The following PLD3 variants were observed in gnomAD, a reference collection of about 807,000 sequenced individuals.
PLD3 encodes phospholipase D family member 3.
In PLD3, 31 loss-of-function variants were observed where a neutral mutation model predicts 58.4. That is an observed-to-expected ratio of 0.53 (90% confidence interval 0.40 to 0.72). The LOEUF (loss-of-function observed/expected upper bound fraction) is 0.72, where lower values mean the gene tolerates loss of function less well. Ranked by LOEUF, PLD3 falls within the 30% of genes least tolerant of loss-of-function variation. The pLI is 0.00. For missense variants in PLD3, 595 were observed against 659.8 expected, an observed-to-expected ratio of 0.90 and a Z score of 1.08; for synonymous variants, 264 against 273.4, an observed-to-expected ratio of 0.97 and a Z score of 0.34.
chr19:40,378,232 G>A lies in PLD3; in HGVS notation c.*59G>A. On this transcript the variant is annotated 3_prime_UTR_variant, in exon 13 of 13. Coordinates refer to ENST00000409735, the MANE Select transcript of PLD3 (RefSeq NM_012268.4). ...GGCCCCCGCGGACCCAGGTGCTCTGGGTCACGGTCCCTGTCCCCGCGCCCC... is the reference window on the plus strand; with the variant it reads ...GGCCCCCGCGGACCCAGGTGCTCTGAGTCACGGTCCCTGTCCCCGCGCCCC... 2.6e-6 allele frequency: 4 copies of A among 1,516,498 alleles called. No homozygotes were observed. Among genetic ancestry groups the A allele is most frequent in the Non-Finnish European group, 3.6e-6 (4 of 1,104,374 alleles). The allele number at this position is 1,516,498 out of a possible 1,614,324, so 93.9% of individuals were successfully genotyped here.
At chr19:40,351,341 C>T (rs1360606973) in intron 1 of PLD3, among the ~76,000 whole-genome samples, 2 of 152,068 alleles carry the variant, frequency 1.3e-5, no homozygotes, top group Admixed American at 6.6e-5. Flanking sequence ...GTCAGGAGTT[C>T]GAGACCAGCC....
At position 40,370,146 on chromosome 19, in the gene PLD3, C is replaced by T. The variant is rs1189077339; in HGVS notation, c.587C>T (p.Thr196Ile). 2.5e-6 allele frequency: 4 copies of T among 1,613,652 alleles called. No homozygotes were observed. In the Admixed American group the frequency reaches 6.7e-5, roughly 27 times the overall value. ...QVRMVDMQKL[T>I]HGVLHTKFWV... is the part of the protein sequence containing the mutation. ...CGCATGGTGGACATGCAGAAGCTGA[C>T]CCATGGCGTCCTGCATACCAAGTTC... Residue 196 changes from threonine to isoleucine, a missense_variant, in exon 8 of 13, where the codon ACC (threonine) becomes ATC (isoleucine). Physicochemically the swap from Thr to Ile is moderately conservative, Grantham distance 89. Coordinates refer to ENST00000409735, the MANE Select transcript of PLD3 (RefSeq NM_012268.4).
chr19:40,365,652 G>A (rs2145683370), intron 1 of PLD3, 66 bp from the exon 2 acceptor site: 1 of 152,338 alleles, frequency 6.6e-6, no homozygotes, highest in African/African-American at 2.4e-5. Flanking sequence ...GCCCTACACG[G>A]GGACTCTAGG....
intron 1 of PLD3, among the ~76,000 whole-genome samples, chr19:40,361,358 A>G (rs2078778392): frequency 6.6e-6 from 1 of 151,924 alleles, no homozygotes; most frequent in Admixed American, 6.6e-5. Context: ...TGATCCGCCC[A>G]CCTTGGCCTC....
At position 40,371,675 on chromosome 19, in the gene PLD3, C is replaced by G. The variant is rs759893170; in HGVS notation, c.681C>G (p.Val227=). 1 of 1,611,588 alleles carries G rather than the reference C, an allele frequency of 6.2e-7. No individual in the cohort carries two copies. The highest frequency in any genetic ancestry group is 1.7e-5 in the Admixed American group (1 of 59,950). ...ANMDWRSLTQ[V]KELGVVMYNC... is the part of the protein sequence containing the mutation. ...AGCTCAGCACTGCCCTCCTACAGGTCAAGGAGCTGGGCGTGGTCATGTACA... is the reference window on the plus strand; with the variant it reads ...AGCTCAGCACTGCCCTCCTACAGGTGAAGGAGCTGGGCGTGGTCATGTACA... The change falls in exon 9 of 13, where the codon GTC becomes GTG. Residue 227 remains valine, a splice_region_variant and synonymous_variant. Transcript: ENST00000409735.
At chr19:40,362,135 CCT>C (rs1173583162) in intron 1 of PLD3, among the ~76,000 whole-genome samples, 9 of 152,204 alleles carry the variant, frequency 5.9e-5, no homozygotes, top group African/African-American at 2.2e-4. Context: ...CCGCGCCTGG[CCT>C]CTGTTTTTCC....
Position 40,361,032 on chromosome 19 carries a change from C to T in PLD3, c.-278-4686C>T, listed in dbSNP as rs186177725. 3.3e-5 allele frequency among the ~76,000 whole-genome samples: 5 copies of T among 152,276 alleles called. No homozygotes were observed. In the East Asian group the frequency reaches 5.8e-4, roughly 18 times the overall value. On this transcript the variant is annotated intron_variant, in intron 1 of 12. Transcript: ENST00000409735. ...CGAAGTGGCTCATGCCTGAAATCCC[C>T]GCACTGTGCGAGGCCAAGGCAGGAG... is the stretch of plus-strand genomic sequence containing the variant.
intron 6 of PLD3, among the ~76,000 whole-genome samples, chr19:40,368,243 G>A (rs1286162231): frequency 6.6e-6 from 1 of 152,164 alleles, no homozygotes; most frequent in Admixed American, 6.5e-5. Flanking sequence ...TGTGACCCCA[G>A]GCAGGCCACC....
At chr19:40,373,161 G>T (rs993940144) in intron 9 of PLD3, among the ~76,000 whole-genome samples, 1 of 152,192 alleles carries the variant, frequency 6.6e-6, no homozygotes, top group African/African-American at 2.4e-5. Context: ...CCTAAGGCGT[G>T]GACGTAGGGA....
At chr19:40,351,269 C>T (rs774040949) in intron 1 of PLD3, among the ~76,000 whole-genome samples, 1 of 151,176 alleles carries the variant, frequency 6.6e-6, no homozygotes, top group African/African-American at 2.4e-5. Flanking sequence ...AACGGCCAGG[C>T]GTAGTGGCTC....
rs550458492 is a variant in PLD3, at chr19:40,364,516, G to T, written c.-278-1202G>T. Among the ~76,000 whole-genome samples the T allele has an allele frequency of 1.5e-3, 226 of 151,760 alleles. 1 individual carries two copies. The highest frequency in any genetic ancestry group is 1.3e-3 in the Non-Finnish European group (85 of 67,956). On this transcript the variant is annotated intron_variant, in intron 1 of 12. Transcript: ENST00000409735. ...AAAAAAAAAAATTAGCTGCGGCTGG[G>T]CGCGGTGGCTCATGCCTGTAATCCC...
At position 40,363,328 on chromosome 19, in the gene PLD3, C is replaced by T. The variant is rs527636102; in HGVS notation, c.-278-2390C>T. 2.7e-5 allele frequency among the ~76,000 whole-genome samples: 4 copies of T among 147,428 alleles called. No individual in the cohort carries two copies. In the East Asian group the frequency reaches 5.9e-4, roughly 22 times the overall value. ...CTCCACCCACAATGTTGTGGTCAAC[C>T]GCCTCTAAGACTGATGTTATCTTCT... On this transcript the variant is annotated intron_variant, in intron 1 of 12. Coordinates refer to ENST00000409735, the MANE Select transcript of PLD3 (RefSeq NM_012268.4).
At position 40,366,838 on chromosome 19, in the gene PLD3, G is replaced by T. The variant is rs773334902; in HGVS notation, c.168G>T (p.Gln56His). The T allele has an allele frequency of 2.5e-6, 4 of 1,614,072 alleles. No homozygotes were observed. The highest frequency in any genetic ancestry group is 3.4e-6 in the Non-Finnish European group (4 of 1,180,002). The part of the protein sequence containing the change: ...AVVGFGALMT[Q>H]LFLWEYGDLH... ...TGGGCTTCGGAGCCCTGATGACTCA[G>T]CTGTTTCTATGGGAATACGGCGACT... is the stretch of plus-strand genomic sequence containing the variant. Residue 56 changes from glutamine to histidine, a missense_variant, in exon 5 of 13, where the codon CAG becomes CAT. Transcript: ENST00000409735.
chr19:40,375,831 G>GGC, intron 10 of PLD3, among the ~76,000 whole-genome samples: 1 of 151,890 alleles, frequency 6.6e-6, no homozygotes, highest in Middle Eastern at 3.5e-3. Flanking sequence ...GGCCGAGGCG[G>GGC]AAGGATCCCT....
chr19:40,371,581 C>A (rs753613087), intron 8 of PLD3, 92 bp from the exon 9 acceptor site: 1 of 782,654 alleles, frequency 1.3e-6, no homozygotes, highest in South Asian at 1.6e-5. Flanking sequence ...TACTGTGGGA[C>A]AGGGGGAAAG....
intron 1 of PLD3, among the ~76,000 whole-genome samples, chr19:40,354,533 T>C (rs948338710): frequency 5.3e-5 from 8 of 151,734 alleles, no homozygotes; most frequent in African/African-American, 1.9e-4. Flanking sequence ...ATTATTATTA[T>C]TTTATTTTTC....
intron 1 of PLD3, among the ~76,000 whole-genome samples, chr19:40,350,145 A>G (rs1297762338): frequency 6.7e-6 from 1 of 150,074 alleles, no homozygotes; most frequent in Non-Finnish European, 1.5e-5. Flanking sequence ...CTGTAATCCC[A>G]GCTACTCGGG....
At chr19:40,373,869 G>A (rs1446343004) in intron 9 of PLD3, among the ~76,000 whole-genome samples, 4 of 151,052 alleles carry the variant, frequency 2.6e-5, no homozygotes, top group African/African-American at 9.7e-5. Context: ...TACGCCTGTA[G>A]TCCCAGCTAC....
At chr19:40,348,930 C>T (rs1247179964) in intron 1 of PLD3, among the ~76,000 whole-genome samples, 162 bp downstream of exon 1, 1 of 151,810 alleles carries the variant, frequency 6.6e-6, no homozygotes, top group Non-Finnish European at 1.5e-5. Context: ...ATGTCGTCCT[C>T]GGTCTCTTTA....
Sources: gnomAD v4.1 joint callset for allele counts (sites outside exome capture counted in the v4.1 genomes callset) on GRCh38, gnomAD v4.1.1 for gene constraint, MANE v1.5 for transcripts, NCBI Gene and HGNC (gene_info 2026-07-23, HGNC 2026-07-21) for gene names.